TBX19: variants seen among roughly 807,000 people sequenced by gnomAD.
The protein encoded by TBX19 is T-box transcription factor TBX19.
A neutral mutation model predicts 40.9 loss-of-function variants in TBX19; 33 were observed. That is an observed-to-expected ratio of 0.81 (90% confidence interval 0.61 to 1.08). TBX19 has a LOEUF of 1.08. Among genes scored for constraint, TBX19 ranks in the 50% least tolerant of loss-of-function variants. The pLI is 0.00. For missense variants in TBX19, 494 were observed against 574.0 expected (o/e 0.86, Z 1.42); for synonymous variants, 220 against 225.0 (o/e 0.98, Z 0.20).
intron 5 of TBX19, among the ~76,000 whole-genome samples, chr1:168,301,823 C>T (rs961435180): frequency 2.0e-5 from 3 of 152,144 alleles, no homozygotes; most frequent in Admixed American, 6.5e-5. Context: ...ATTCCAGGAA[C>T]GTGAAGATAA....
At chr1:168,283,477 C>T (rs554971639) in intron 1 of TBX19, among the ~76,000 whole-genome samples, 20 of 152,270 alleles carry the variant, frequency 1.3e-4, no homozygotes, top group African/African-American at 4.8e-4. Flanking sequence ...AAATTACCCC[C>T]AACCTCTTAG....
intron 3 of TBX19, among the ~76,000 whole-genome samples, chr1:168,294,791 C>A (rs574378627): frequency 6.6e-6 from 1 of 152,264 alleles, no homozygotes; most frequent in South Asian, 2.1e-4. Flanking sequence ...TGTGAACCAC[C>A]GTGCCCGGCC....
chr1:168,298,824 T>TTTCCTTCCTTCC lies in TBX19; in HGVS notation c.665+1042_665+1043insCTTCCTTCCTTC, dbSNP rs1553289841. On this transcript the variant is annotated intron_variant, in intron 4 of 7. Coordinates refer to ENST00000367821, the MANE Select transcript of TBX19 (RefSeq NM_005149.3). ...TCCCCTCCCTCCCTCCCTCCCTTCC[T>TTTCCTTCCTTCC]TTCTTTCTTTCTTTCTTTCTTTCTT... 1.2e-3 allele frequency among the ~76,000 whole-genome samples: 16 copies of TTTCCTTCCTTCC among 13,344 alleles called. 4 individuals carry two copies. The highest frequency in any genetic ancestry group is 8.9e-3 in the East Asian group (2 of 224). 8.8% of individuals were successfully genotyped at this position (13,344 alleles called of 152,430 possible).
Position 168,288,888 on chromosome 1 carries a change from A to G in TBX19, c.204-2272A>G, listed in dbSNP as rs114657936. 1.9e-3 allele frequency among the ~76,000 whole-genome samples: 291 copies of G among 152,106 alleles called. 1 individual carries two copies. The highest frequency in any genetic ancestry group is 5.6e-3 in the African/African-American group (232 of 41,504). On this transcript the variant is annotated intron_variant, in intron 1 of 7. Coordinates refer to ENST00000367821, the MANE Select transcript of TBX19 (RefSeq NM_005149.3). ...TGATCCTCCTGCTTCAGCCTCCCCA[A>G]TAGCTGGAACTACAGGTGTGCACCA...
chr1:168,305,065 A>G lies in TBX19; in HGVS notation c.785A>G (p.Tyr262Cys). ...DGVCTAGNSN[Y>C]QYAAPLPLPA... ...GTGTGCACAGCAGGAAACTCCAATT[A>G]CCAGTATGCCGCTCCTCTGCCTCTG... Residue 262 changes from tyrosine (Y) to cysteine (C), a missense_variant, in exon 6 of 8, where the codon TAC (tyrosine) becomes TGC (cysteine). Coordinates refer to ENST00000367821, the MANE Select transcript of TBX19 (RefSeq NM_005149.3). 6.2e-7 allele frequency: 1 copy of G among 1,614,122 alleles called. No homozygotes were observed. Among genetic ancestry groups the G allele is most frequent in the Non-Finnish European group, 8.5e-7 (1 of 1,180,022 alleles).
intron 3 of TBX19, among the ~76,000 whole-genome samples, chr1:168,296,512 G>T (rs1000262309): frequency 6.6e-6 from 1 of 152,090 alleles, no homozygotes; most frequent in Non-Finnish European, 1.5e-5. Context: ...ATCAGATCTC[G>T]TGAGACTTAT....
intron 2 of TBX19, among the ~76,000 whole-genome samples, chr1:168,292,242 G>A (rs951290919): frequency 8.5e-5 from 13 of 152,098 alleles, no homozygotes; most frequent in African/African-American, 2.9e-4. Context: ...AACACTACCC[G>A]AGTCTGTGAT....
At chr1:168,289,576 A>G (rs762743192) in intron 1 of TBX19, among the ~76,000 whole-genome samples, 20 of 152,210 alleles carry the variant, frequency 1.3e-4, no homozygotes, top group Admixed American at 2.0e-4. Context: ...TACTTAATTT[A>G]TATACTTGTC....
intron 1 of TBX19, among the ~76,000 whole-genome samples, chr1:168,289,995 A>G (rs1648898762): frequency 6.6e-6 from 1 of 152,114 alleles, no homozygotes; most frequent in African/African-American, 2.4e-5. Flanking sequence ...AGAGTTTGAG[A>G]CCAGCCTGGC....
At chr1:168,304,483 T>C (rs1484080303) in intron 5 of TBX19, among the ~76,000 whole-genome samples, 1 of 152,226 alleles carries the variant, frequency 6.6e-6, no homozygotes. Flanking sequence ...AATAGTGATG[T>C]TATCTGCAGG....
chr1:168,291,148 C>T lies in TBX19; in HGVS notation c.204-12C>T. 1 of 1,611,672 alleles carries T rather than the reference C, an allele frequency of 6.2e-7. No individual in the cohort carries two copies. The highest frequency in any genetic ancestry group is 1.1e-5 in the South Asian group (1 of 90,876). On this transcript the variant is annotated splice_polypyrimidine_tract_variant and intron_variant, in intron 1 of 7. Coordinates refer to ENST00000367821, the MANE Select transcript of TBX19 (RefSeq NM_005149.3). ...GTCCCTCCTGTGGCTAAGTTTCTGC[C>T]TTTCCTTTTAGACGGATGTTTCCAG...
At chr1:168,302,486 G>A (rs1220451519) in intron 5 of TBX19, among the ~76,000 whole-genome samples, 1 of 152,068 alleles carries the variant, frequency 6.6e-6, no homozygotes, top group Non-Finnish European at 1.5e-5. Flanking sequence ...CTTAGCTGAG[G>A]CATGGTCAGC....
intron 1 of TBX19, among the ~76,000 whole-genome samples, chr1:168,282,134 C>T (rs1346848873): frequency 4.6e-5 from 7 of 152,302 alleles, no homozygotes; most frequent in African/African-American, 1.7e-4. Context: ...GCTTTTCATA[C>T]ACATGGTCAC....
At chr1:168,298,034 A>C (rs1395818293) in intron 4 of TBX19, among the ~76,000 whole-genome samples, 1 of 152,082 alleles carries the variant, frequency 6.6e-6, no homozygotes, top group Non-Finnish European at 1.5e-5. Flanking sequence ...GTCTCTACTA[A>C]AAATGCAAAA....
chr1:168,309,094 C>G (rs899027762), intron 7 of TBX19, among the ~76,000 whole-genome samples: 1 of 152,094 alleles, frequency 6.6e-6, no homozygotes, highest in Non-Finnish European at 1.5e-5. Flanking sequence ...AAGGATAGGC[C>G]GGGTGCAGTG....
chr1:168,293,193 G>T lies in TBX19; in HGVS notation c.518G>T (p.Arg173Leu), dbSNP rs763177941. 6.2e-7 allele frequency: 1 copy of T among 1,613,826 alleles called. No homozygotes were observed. The highest frequency in any genetic ancestry group is 1.3e-5 in the African/African-American group (1 of 74,860). ...HKYEPQVHIV[R>L]VGSAHRMVTN... The stretch of plus-strand genomic sequence containing the variant: ...TATGAACCCCAGGTTCACATAGTGC[G>T]TGTTGGAAGTGCCCATCGAATGGTA... The change falls in exon 3 of 8, where the codon CGT becomes CTT. Residue 173 changes from arginine to leucine, a missense_variant. This residue lies in a region of TBX19 where 201 missense variants were observed against 235.2 expected (regional missense o/e 0.85). Coordinates refer to ENST00000367821, the MANE Select transcript of TBX19 (RefSeq NM_005149.3).
At chr1:168,297,517 C>T (rs778811027) in intron 3 of TBX19, 5 of 669,554 alleles carry the variant, frequency 7.5e-6, no homozygotes, top group South Asian at 1.6e-5. Flanking sequence ...CCAGAGACAG[C>T]GCAGTGGTGA....
chr1:168,296,094 C>G (rs900988610), intron 3 of TBX19, among the ~76,000 whole-genome samples: 3 of 152,200 alleles, frequency 2.0e-5, no homozygotes, highest in South Asian at 4.1e-4. Flanking sequence ...CAAGTCCATG[C>G]AGATGCACCC....
chr1:168,290,039 C>G (rs1211543794), intron 1 of TBX19, among the ~76,000 whole-genome samples: 1 of 151,930 alleles, frequency 6.6e-6, no homozygotes, highest in Admixed American at 6.6e-5. Flanking sequence ...ACTAAAAATC[C>G]AAAAATTAGC....
Sources: allele counts gnomAD v4.1 joint callset (sites outside exome capture counted in the v4.1 genomes callset), GRCh38; gene constraint gnomAD v4.1.1; regional missense constraint gnomAD v4.1.1; transcripts MANE v1.5; gene names NCBI Gene and HGNC (gene_info 2026-07-23, HGNC 2026-07-21).